Variants in RILPL2 observed in about 807,000 individuals in gnomAD.
The protein encoded by RILPL2 is Rab interacting lysosomal protein like 2, also known as RILP-like protein 2.
RILPL2 carries 19 observed loss-of-function variants against 22.2 expected under a neutral mutation model. The observed-to-expected ratio is 0.86, with a 90% CI of 0.60 to 1.25. The LOEUF (loss-of-function observed/expected upper bound fraction) is 1.25. RILPL2 is among the 50% of genes most tolerant of loss of function. The pLI is 0.00. For synonymous variants in RILPL2, 123 were observed against 111.6 expected (o/e 1.10, Z -0.64); for missense variants, 243 against 263.6 (o/e 0.92, Z 0.54).
At chr12:123,433,868 A>G (rs1212587229) in intron 1 of RILPL2, among the ~76,000 whole-genome samples, 1 of 152,222 alleles carries the variant, frequency 6.6e-6, no homozygotes, top group Admixed American at 6.6e-5. Flanking sequence ...TAGTACAAGT[A>G]AGGTCAAATG....
chr12:123,410,265 T>G (rs1413242939), downstream of RILPL2, among the ~76,000 whole-genome samples: 8 of 152,192 alleles, frequency 5.3e-5, no homozygotes, highest in Non-Finnish European at 1.0e-4. Context: ...CTCAGGAGGC[T>G]CTGAATCATC....
At chr12:123,411,728 C>T (rs1878981988), downstream of RILPL2, 1 of 151,116 alleles carries the variant, frequency 6.6e-6, no homozygotes, top group Non-Finnish European at 1.5e-5. Context: ...GTTTCACCTT[C>T]TTGGCCAGGC....
chr12:123,419,611 T>C (rs535595050), intron 3 of RILPL2, among the ~76,000 whole-genome samples: 85 of 149,822 alleles, frequency 5.7e-4, no homozygotes, highest in Non-Finnish European at 7.9e-4. Flanking sequence ...TTTTTCTTTT[T>C]TTTTTTTTTT....
intron 3 of RILPL2, among the ~76,000 whole-genome samples, chr12:123,419,889 G>A (rs1235116008): frequency 6.9e-6 from 1 of 144,802 alleles, no homozygotes; most frequent in Non-Finnish European, 1.5e-5. Context: ...TGCCTCCCAG[G>A]TTAAAGCGAT....
chr12:123,409,432 G>T, the RILPL2 span: 1 of 152,236 alleles, frequency 6.6e-6, no homozygotes, highest in Admixed American at 6.6e-5. Context: ...GCATCCTCCT[G>T]GGGAACCAGA....
At chr12:123,417,742 C>T (rs539412746) in intron 3 of RILPL2, among the ~76,000 whole-genome samples, 8 of 152,284 alleles carry the variant, frequency 5.3e-5, no homozygotes, top group Admixed American at 1.3e-4. Flanking sequence ...TGCGCCACCA[C>T]GCCCAGCTAA....
rs549943361 is a variant in RILPL2 at position 123,416,347 on chromosome 12, A to G, written c.606-426T>C. Among the ~76,000 whole-genome samples, 36 of 150,510 alleles carry G rather than the reference A, an allele frequency of 2.4e-4. No individual in the cohort carries two copies. The South Asian group carries it at 7.3e-3, about 31-fold the overall frequency. On this transcript the variant is annotated intron_variant, in intron 3 of 3. Coordinates refer to ENST00000280571, the MANE Select transcript of RILPL2 (RefSeq NM_145058.3). ...TCAAAAGAAAAAGAAAAAGCAAAAA[A>G]ACCCCAAAAAACCCGGGTGCGGTGG...
chr12:123,411,258 G>T (rs1878967262), downstream of RILPL2: 1 of 152,174 alleles, frequency 6.6e-6, no homozygotes, highest in South Asian at 2.1e-4. Flanking sequence ...GGCCAGGCTG[G>T]TCTCCTGACC....
At chr12:123,429,771 TA>T (rs149044145) in intron 2 of RILPL2, among the ~76,000 whole-genome samples, 2,519 of 151,966 alleles carry the variant, frequency 0.017, 33 homozygotes, top group Non-Finnish European at 0.026. Flanking sequence ...CATGCCCAGC[TA>T]ATTTTTGTAT....
chr12:123,431,084 T>G (rs1382340604), intron 1 of RILPL2, among the ~76,000 whole-genome samples: 2 of 152,186 alleles, frequency 1.3e-5, no homozygotes, highest in Non-Finnish European at 2.9e-5. Flanking sequence ...CTTCATGTGA[T>G]CCGCCTGCCT....
At chr12:123,410,163 T>G (rs867286897), downstream of RILPL2, among the ~76,000 whole-genome samples, 34 of 152,340 alleles carry the variant, frequency 2.2e-4, no homozygotes, top group African/African-American at 6.3e-4. Flanking sequence ...TTAATGCATT[T>G]TGAGCCTTAG....
chr12:123,431,077 C>T (rs1055038704), intron 1 of RILPL2, among the ~76,000 whole-genome samples: 4 of 152,200 alleles, frequency 2.6e-5, no homozygotes, highest in Non-Finnish European at 4.4e-5. Flanking sequence ...CTCCTGGCTT[C>T]ATGTGATCCG....
chr12:123,434,106 T>G (rs2139255306), intron 1 of RILPL2, among the ~76,000 whole-genome samples: 1 of 152,222 alleles, frequency 6.6e-6, no homozygotes, highest in Non-Finnish European at 1.5e-5. Flanking sequence ...GTCATAAAAT[T>G]AATGAGTTTC....
At chr12:123,423,294 C>T (rs985441582) in intron 2 of RILPL2, 137 bp from the exon 3 acceptor site, 11 of 560,824 alleles carry the variant, frequency 2.0e-5, no homozygotes, top group Admixed American at 3.4e-5. Flanking sequence ...CTCCGCCTCC[C>T]GGGTTCAAGT....
chr12:123,413,907 C>G (rs925732191), downstream of RILPL2: 2 of 152,338 alleles, frequency 1.3e-5, no homozygotes, highest in Non-Finnish European at 2.9e-5. Flanking sequence ...CATTCACAAA[C>G]CCTGAGCTAG....
chr12:123,425,624 G>A (rs1435698494), intron 2 of RILPL2, among the ~76,000 whole-genome samples: 2 of 151,112 alleles, frequency 1.3e-5, no homozygotes, highest in Non-Finnish European at 2.9e-5. Flanking sequence ...TCATAAAAGA[G>A]TTTTGCAAAG....
At chr12:123,420,153 T>C (rs987033122) in intron 3 of RILPL2, among the ~76,000 whole-genome samples, 2 of 151,340 alleles carry the variant, frequency 1.3e-5, no homozygotes, top group African/African-American at 4.9e-5. Context: ...GCCTCCTGAG[T>C]AGCTGGGATT....
chr12:123,417,387 G>A (rs559299827), intron 3 of RILPL2, among the ~76,000 whole-genome samples: 1 of 151,926 alleles, frequency 6.6e-6, no homozygotes, highest in African/African-American at 2.4e-5. Flanking sequence ...ACCAGAGTGA[G>A]CTTTTTGTAC....
intron 2 of RILPL2, among the ~76,000 whole-genome samples, chr12:123,424,966 G>A (rs1229281153): frequency 4.0e-5 from 6 of 151,530 alleles, no homozygotes; most frequent in East Asian, 2.0e-4. Context: ...TGCAAGCTCC[G>A]CCTCCCGGGT....
Sources: allele counts gnomAD v4.1 joint callset (sites outside exome capture counted in the v4.1 genomes callset), GRCh38; gene constraint gnomAD v4.1.1; transcripts MANE v1.5; gene names NCBI Gene and HGNC (gene_info 2026-07-23, HGNC 2026-07-21).